Variants in ATF7IP observed in about 807,000 individuals in gnomAD.
ATF7IP encodes activating transcription factor 7-interacting protein 1.
ATF7IP carries 23 observed loss-of-function variants against 106.4 expected under a neutral mutation model. That is an observed-to-expected ratio of 0.22 (90% CI 0.16 to 0.31). ATF7IP has a LOEUF of 0.31. Ranked by LOEUF, ATF7IP falls within the 10% of genes least tolerant of loss-of-function variation. ATF7IP has a pLI of 1.00. For missense variants in ATF7IP, 1,334 were observed against 1,524.3 expected, an observed-to-expected ratio of 0.88 and a Z score of 2.08; for synonymous variants, 542 against 539.0, an observed-to-expected ratio of 1.01 and a Z score of -0.08.
At position 14,464,527 on chromosome 12, in the gene ATF7IP, G is replaced by A. The variant is rs145952229; in HGVS notation, c.2798-1999G>A. Among the ~76,000 whole-genome samples, 204 of 152,258 alleles carry A rather than the reference G, an allele frequency of 1.3e-3. 1 individual carries two copies. The East Asian group carries it at 0.02, about 15-fold the overall frequency. The stretch of plus-strand genomic sequence containing the variant: ...CTTTTATTTGTATTTTTATGGAGAC[G>A]TATTCCATATGATAGAAGGATTTTA... On this transcript the variant is annotated intron_variant, in intron 9 of 14. Transcript: ENST00000261168.
intron 9 of ATF7IP, among the ~76,000 whole-genome samples, chr12:14,464,606 GTTATAATATTTATA>G (rs1943759057): frequency 6.6e-6 from 1 of 152,098 alleles, no homozygotes. Context: ...GATAGATGGA[GTTATAATATTTATA>G]TCCAGAAGTC....
chr12:14,377,522 A>C (rs1370469440), intron 1 of ATF7IP, among the ~76,000 whole-genome samples: 2 of 150,518 alleles, frequency 1.3e-5, no homozygotes, highest in African/African-American at 4.9e-5. Flanking sequence ...TGCCCGGCTA[A>C]TTGTTTGTAT....
At chr12:14,383,885 T>C (rs1238592674) in intron 1 of ATF7IP, among the ~76,000 whole-genome samples, 2 of 152,278 alleles carry the variant, frequency 1.3e-5, no homozygotes, top group East Asian at 3.9e-4. Flanking sequence ...TAATGAATAG[T>C]CTTTGCTTGA....
chr12:14,377,234 A>T (rs1371855765), intron 1 of ATF7IP, among the ~76,000 whole-genome samples: 1 of 151,546 alleles, frequency 6.6e-6, no homozygotes, highest in Non-Finnish European at 1.5e-5. Flanking sequence ...AGCTCAAGTG[A>T]TCTGCCTGCT....
intron 1 of ATF7IP, among the ~76,000 whole-genome samples, chr12:14,413,758 G>A (rs1203495040): frequency 6.6e-6 from 1 of 151,948 alleles, no homozygotes; most frequent in Non-Finnish European, 1.5e-5. Context: ...TCCTTTCAAG[G>A]TGTGTAATAA....
chr12:14,417,164 T>C (rs538362906), intron 1 of ATF7IP, among the ~76,000 whole-genome samples: 28 of 152,334 alleles, frequency 1.8e-4, no homozygotes, highest in African/African-American at 6.3e-4. Flanking sequence ...ATATTTACTT[T>C]GTAATCCACA....
At chr12:14,481,316 G>A (rs1241569212) in intron 13 of ATF7IP, 131 bp downstream of exon 13, 2 of 765,536 alleles carry the variant, frequency 2.6e-6, no homozygotes, top group South Asian at 1.8e-5. Context: ...ATTGTTATAA[G>A]TTCAAGAGAT....
intron 1 of ATF7IP, chr12:14,367,250 G>C (rs1304726420): frequency 6.6e-6 from 1 of 151,944 alleles, no homozygotes; most frequent in Non-Finnish European, 1.5e-5. Flanking sequence ...AATTTTTATT[G>C]CCTAAAACAA....
chr12:14,424,005 C>G lies in ATF7IP; in HGVS notation c.90C>G (p.Tyr30Ter). 2 of 1,613,998 alleles carry G rather than the reference C, an allele frequency of 1.2e-6. No individual in the cohort carries two copies. Among genetic ancestry groups the G allele is most frequent in the Non-Finnish European group, 1.7e-6 (2 of 1,179,988 alleles). The part of the protein sequence containing the change: ...VSDRQQLEAV[Y>*]KVKEELLKTD... Reference sequence around the variant, plus strand: ...ATCGTCAGCAACTTGAAGCAGTGTACAAGGTCAAAGAAGAACTGTTGAAAA... The same window carrying G: ...ATCGTCAGCAACTTGAAGCAGTGTAGAAGGTCAAAGAAGAACTGTTGAAAA... Residue 30 changes from tyrosine (Y) to a stop codon, truncating the protein, a stop_gained, in exon 2 of 15, where the codon TAC (tyrosine) becomes TAG (stop). Transcript: ENST00000261168. LOFTEE classifies it high-confidence loss of function.
At chr12:14,430,738 A>T (rs1441361579) in intron 2 of ATF7IP, among the ~76,000 whole-genome samples, 1 of 152,192 alleles carries the variant, frequency 6.6e-6, no homozygotes, top group Non-Finnish European at 1.5e-5. Context: ...AAATCAGTGA[A>T]TGGGGTAGAC....
At position 14,424,980 on chromosome 12, in the gene ATF7IP, T is replaced by C; in HGVS notation, c.1065T>C (p.Asp355=). Residue 355 remains aspartate (D), a synonymous_variant, in exon 2 of 15, where the codon GAT becomes GAC. Coordinates refer to ENST00000261168, the MANE Select transcript of ATF7IP (RefSeq NM_018179.5). The stretch of plus-strand genomic sequence containing the variant: ...CTAATGAAGAAACTCTAGAAACAGA[T>C]GATACAACTATTTGTTCAGATCGAC... ...IDANEETLET[D]DTTICSDRPP... The C allele has an allele frequency of 1.9e-6, 3 of 1,610,678 alleles. No individual in the cohort carries two copies. Among genetic ancestry groups the C allele is most frequent in the Non-Finnish European group, 2.5e-6 (3 of 1,179,200 alleles).
intron 1 of ATF7IP, among the ~76,000 whole-genome samples, chr12:14,380,211 A>G (rs1311328223): frequency 1.3e-5 from 2 of 152,044 alleles, no homozygotes; most frequent in African/African-American, 4.8e-5. Context: ...GTCTGCATAT[A>G]TTCATTTTTT....
At chr12:14,494,736 G>T (rs1286877359) in intron 13 of ATF7IP, among the ~76,000 whole-genome samples, 1 of 151,082 alleles carries the variant, frequency 6.6e-6, no homozygotes, top group African/African-American at 2.4e-5. Context: ...AGTTCGAGAT[G>T]AGCCTGGCCA....
In ATF7IP at chr12:14,424,156, C is replaced by T. The variant is rs766682669; in HGVS notation, c.241C>T (p.Pro81Ser). Residue 81 changes from proline to serine, a missense_variant, in exon 2 of 15, where the codon CCT (proline) becomes TCT (serine). By Grantham distance (74) the Pro-to-Ser change is moderately conservative. Transcript: ENST00000261168. The stretch of plus-strand genomic sequence containing the variant: ...TGGCATTGAAGAGATTTGTTTTGAT[C>T]CTGAAGGAAGTAAAGCAGAATGGAA... ...VNGIEEICFD[P>S]EGSKAEWKET... The T allele has an allele frequency of 6.2e-6, 10 of 1,613,954 alleles. No individual in the cohort carries two copies. The highest frequency in any genetic ancestry group is 7.6e-6 in the Non-Finnish European group (9 of 1,180,042).
At chr12:14,437,545 A>T (rs1160459936) in intron 4 of ATF7IP, among the ~76,000 whole-genome samples, 2 of 152,202 alleles carry the variant, frequency 1.3e-5, no homozygotes, top group African/African-American at 4.8e-5. Flanking sequence ...GTTCATGGGT[A>T]TGTGCCAATG....
In ATF7IP at chr12:14,424,949, T is replaced by C; in HGVS notation, c.1034T>C (p.Ile345Thr). The stretch of plus-strand genomic sequence containing the variant: ...GAGAAAAATAAAGCTGATAATAATA[T>C]TGATGCTAATGAAGAAACTCTAGAA... The part of the protein sequence containing the change: ...LDEKNKADNN[I>T]DANEETLETD... Residue 345 changes from isoleucine to threonine, a missense_variant, in exon 2 of 15, where the codon ATT becomes ACT. Physicochemically the swap from Ile to Thr is moderately conservative, Grantham distance 89. Coordinates refer to ENST00000261168, the MANE Select transcript of ATF7IP (RefSeq NM_018179.5). 6.2e-7 allele frequency: 1 copy of C among 1,606,956 alleles called. No homozygotes were observed. Among genetic ancestry groups the C allele is most frequent in the Non-Finnish European group, 8.5e-7 (1 of 1,178,264 alleles).
At chr12:14,466,870 T>G (rs1943854086) in intron 10 of ATF7IP, among the ~76,000 whole-genome samples, 1 of 152,124 alleles carries the variant, frequency 6.6e-6, no homozygotes, top group South Asian at 2.1e-4. Context: ...TCATTTGCCT[T>G]TACATACTGT....
At position 14,425,301 on chromosome 12, in the gene ATF7IP, G is replaced by A; in HGVS notation, c.1386G>A (p.Glu462=). The A allele has an allele frequency of 1.9e-6, 3 of 1,608,088 alleles. No individual in the cohort carries two copies. The highest frequency in any genetic ancestry group is 2.5e-6 in the Non-Finnish European group (3 of 1,178,290). Residue 462 remains glutamate (E), a synonymous_variant, in exon 2 of 15, where the codon GAG becomes GAA. Coordinates refer to ENST00000261168, the MANE Select transcript of ATF7IP (RefSeq NM_018179.5). ...AAACATCTCTCCTTCCAATCGATGA[G>A]ACAAATCCAGATTTGGAAGAGAAAA... is the stretch of plus-strand genomic sequence containing the variant. The part of the protein sequence containing the change: ...FSKTSLLPID[E]TNPDLEEKME...
intron 1 of ATF7IP, among the ~76,000 whole-genome samples, chr12:14,382,621 G>A (rs1420047660): frequency 1.3e-5 from 2 of 152,176 alleles, no homozygotes; most frequent in East Asian, 3.8e-4. Flanking sequence ...CTAGAAAGTA[G>A]GAGTTGAGAT....
Sources: gnomAD v4.1 joint callset for allele counts (sites outside exome capture counted in the v4.1 genomes callset) on GRCh38, gnomAD v4.1.1 for gene constraint, MANE v1.5 for transcripts, NCBI Gene and HGNC (gene_info 2026-07-23, HGNC 2026-07-21) for gene names.